Variants in PTPN14 observed in about 807,000 individuals in gnomAD.
The protein encoded by PTPN14 is tyrosine-protein phosphatase non-receptor type 14.
In PTPN14, 53 loss-of-function variants were observed where a neutral mutation model predicts 126.8. The observed-to-expected ratio is 0.42, with a 90% CI of 0.34 to 0.53. The LOEUF is 0.53. PTPN14 is among the 20% of genes least tolerant of loss of function. The pLI is 0.08. For synonymous variants in PTPN14, 630 were observed against 599.3 expected, an observed-to-expected ratio of 1.05 and a Z score of -0.75; for missense variants, 1,257 against 1,552.9, an observed-to-expected ratio of 0.81 and a Z score of 3.20.
At chr1:214,463,325 AAG>A (rs34189739) in intron 2 of PTPN14, among the ~76,000 whole-genome samples, 125,444 of 151,498 alleles carry the variant, frequency 0.83, 52,043 homozygotes, top group African/African-American at 0.89. Flanking sequence ...CAACGAGAAA[AAG>A]AGAGCCAGCT....
intron 13 of PTPN14, among the ~76,000 whole-genome samples, chr1:214,379,382 A>T (rs1298750389): frequency 3.3e-5 from 5 of 152,162 alleles, no homozygotes; most frequent in African/African-American, 4.8e-5. Flanking sequence ...GGACTGCATG[A>T]CGCCCTTCCA....
intron 3 of PTPN14, among the ~76,000 whole-genome samples, chr1:214,433,180 G>C (rs566788744): frequency 2.0e-5 from 3 of 152,202 alleles, no homozygotes; most frequent in East Asian, 1.9e-4. Context: ...TGGGATTACA[G>C]GTGTGAGCCC....
intron 1 of PTPN14, chr1:214,482,764 C>T: frequency 6.3e-7 from 1 of 1,580,494 alleles, no homozygotes; most frequent in Non-Finnish European, 8.6e-7. Flanking sequence ...ACTTAGATGA[C>T]TCTTCCCCCT....
chr1:214,369,729 A>G, intron 16 of PTPN14, 38 bp from the exon 17 acceptor site: 1 of 1,550,494 alleles, frequency 6.4e-7, no homozygotes, highest in Non-Finnish European at 8.9e-7. Flanking sequence ...AAATAGGTCA[A>G]GGGAAGCTCT....
Position 214,433,939 on chromosome 1 carries a change from CACACACACACACAAAAAAAAA to C in PTPN14, c.344+17845_344+17865del, listed in dbSNP as rs1454536578. On this transcript the variant is annotated intron_variant, in intron 3 of 18. Coordinates refer to ENST00000366956, the MANE Select transcript of PTPN14 (RefSeq NM_005401.5). The stretch of plus-strand genomic sequence containing the variant: ...CATTATTTCCACACACACACACACA[CACACACACACACAAAAAAAAA>C]AAAAAAAAAAAACTCAAAAAATTTA... 1.8e-3 allele frequency among the ~76,000 whole-genome samples: 31 copies of C among 17,420 alleles called. 1 individual carries two copies. The South Asian group carries it at 0.05, about 28-fold the overall frequency. 11.4% of individuals were successfully genotyped at this position (17,420 alleles called of 152,430 possible). A position where few individuals can be genotyped will look rare whatever the true frequency, so the allele number is the denominator to read the frequency against.
rs544464193 is a variant in PTPN14, at chr1:214,517,075, A to G, written c.-155+34108T>C. Among the ~76,000 whole-genome samples, 5 of 152,180 alleles carry G rather than the reference A, an allele frequency of 3.3e-5. No homozygotes were observed. In the South Asian group the frequency reaches 8.3e-4, roughly 25 times the overall value. On this transcript the variant is annotated intron_variant, in intron 1 of 18. Transcript: ENST00000366956. ...GGCCCAGCTATCTCCTCCGCTCCTA[A>G]GGCTGTCACCTGTCATCCAGGCAAA... is the stretch of plus-strand genomic sequence containing the variant.
intron 1 of PTPN14, among the ~76,000 whole-genome samples, chr1:214,500,604 T>G (rs537318287): frequency 0.042 from 6,383 of 152,266 alleles, 206 homozygotes; most frequent in Middle Eastern, 0.12. Context: ...AACCTCCTAA[T>G]GTTTCAGAAC....
chr1:214,414,550 C>T (rs1009831739), intron 4 of PTPN14, 79 bp downstream of exon 4: 1 of 1,281,184 alleles, frequency 7.8e-7, no homozygotes, highest in South Asian at 1.2e-5. Context: ...GTAAATCTAA[C>T]TTCTCACTCT....
At chr1:214,467,962 T>C (rs562345236) in intron 1 of PTPN14, among the ~76,000 whole-genome samples, 7 of 152,140 alleles carry the variant, frequency 4.6e-5, no homozygotes, top group African/African-American at 1.7e-4. Context: ...GGGGAGGCCG[T>C]ACAGGCTGCT....
intron 1 of PTPN14, among the ~76,000 whole-genome samples, chr1:214,509,401 T>C (rs1309786104): frequency 6.6e-6 from 1 of 152,230 alleles, no homozygotes; most frequent in African/African-American, 2.4e-5. Flanking sequence ...TTCTGCAGCT[T>C]CCTCACCTCT....
intron 18 of PTPN14, among the ~76,000 whole-genome samples, chr1:214,359,556 G>A (rs949809745): frequency 1.3e-5 from 2 of 151,902 alleles, no homozygotes; most frequent in South Asian, 2.1e-4. Flanking sequence ...GTCTTGCTCT[G>A]TAGCCCAGGC....
intron 1 of PTPN14, among the ~76,000 whole-genome samples, chr1:214,491,806 C>T (rs1169892848): frequency 2.0e-5 from 3 of 152,042 alleles, no homozygotes; most frequent in Non-Finnish European, 4.4e-5. Context: ...AAATCTTTCC[C>T]CAAGTCTAGT....
chr1:214,490,060 C>G (rs762400783), intron 1 of PTPN14, among the ~76,000 whole-genome samples: 1 of 152,212 alleles, frequency 6.6e-6, no homozygotes, highest in Non-Finnish European at 1.5e-5. Flanking sequence ...TAATAAACCA[C>G]TTTGCCCTTG....
chr1:214,418,802 C>T (rs1486134915), intron 3 of PTPN14, among the ~76,000 whole-genome samples: 1 of 152,180 alleles, frequency 6.6e-6, no homozygotes, highest in East Asian at 1.9e-4. Context: ...TGGCAGCAGC[C>T]TCTGAGATAT....
chr1:214,414,789 A>C, intron 3 of PTPN14, 63 bp from the exon 4 acceptor site: 1 of 1,297,222 alleles, frequency 7.7e-7, no homozygotes, highest in Admixed American at 1.7e-5. Flanking sequence ...TATTCCCACA[A>C]CACAGATGCC....
chr1:214,405,222 C>A (rs957637323), intron 5 of PTPN14, among the ~76,000 whole-genome samples: 2 of 152,226 alleles, frequency 1.3e-5, no homozygotes, highest in Non-Finnish European at 2.9e-5. Context: ...CCTCTCTCCC[C>A]AGCTGGACGT....
At chr1:214,465,737 G>C (rs932850159) in intron 1 of PTPN14, among the ~76,000 whole-genome samples, 1 of 151,866 alleles carries the variant, frequency 6.6e-6, no homozygotes, top group Non-Finnish European at 1.5e-5. Flanking sequence ...ACAACCCTAT[G>C]GTGTCTATTT....
chr1:214,414,408 A>T, intron 4 of PTPN14, among the ~76,000 whole-genome samples: 1 of 152,212 alleles, frequency 6.6e-6, no homozygotes, highest in Non-Finnish European at 1.5e-5. Flanking sequence ...TAAAACTGTA[A>T]TTATACAAGC....
chr1:214,399,686 C>T (rs1658971466), intron 7 of PTPN14, among the ~76,000 whole-genome samples: 1 of 152,166 alleles, frequency 6.6e-6, no homozygotes, highest in Admixed American at 6.5e-5. Context: ...GGGATATTTT[C>T]TCGAATAATT....
Sources: gnomAD v4.1 joint callset for allele counts (sites outside exome capture counted in the v4.1 genomes callset) on GRCh38, gnomAD v4.1.1 for gene constraint, MANE v1.5 for transcripts, NCBI Gene and HGNC (gene_info 2026-07-23, HGNC 2026-07-21) for gene names.